The following RDX variants were observed in gnomAD, a reference collection of about 807,000 sequenced individuals.
RDX encodes the protein radixin.
In RDX, 32 loss-of-function variants were observed where a neutral mutation model predicts 83.7. The observed-to-expected ratio is 0.38, with a 90% CI of 0.29 to 0.51. The LOEUF (loss-of-function observed/expected upper bound fraction) is 0.51. Among genes scored for constraint, RDX ranks in the 20% least tolerant of loss-of-function variants. RDX has a pLI of 0.87. For synonymous variants in RDX, 229 were observed against 222.7 expected (o/e 1.03, Z -0.25); for missense variants, 600 against 689.9 (o/e 0.87, Z 1.46).
At chr11:110,272,704 T>C (rs1471153923) in intron 2 of RDX, 85 bp from the exon 3 acceptor site, 1 of 894,130 alleles carries the variant, frequency 1.1e-6, no homozygotes, top group African/African-American at 1.7e-5. Flanking sequence ...ATTAAAGTGA[T>C]AAAGTTTTAT....
intron 14 of RDX, among the ~76,000 whole-genome samples, chr11:110,224,318 A>G (rs549117183): frequency 3.3e-5 from 5 of 152,302 alleles, no homozygotes; most frequent in Admixed American, 2.0e-4. Flanking sequence ...CTGATAAACT[A>G]TTGTTATAAG....
At chr11:110,224,815 C>A (rs1229943692), downstream of RDX, among the ~76,000 whole-genome samples, 1 of 152,184 alleles carries the variant, frequency 6.6e-6, no homozygotes, top group African/African-American at 2.4e-5. Context: ...ATGGCCACGG[C>A]CTTTCTTAGG....
intron 1 of RDX, among the ~76,000 whole-genome samples, chr11:110,294,461 C>T (rs1861364227): frequency 6.6e-6 from 1 of 152,128 alleles, no homozygotes; most frequent in Non-Finnish European, 1.5e-5. Context: ...GACTCTAGCT[C>T]TTTAGAGGAT....
chr11:110,291,719 G>T (rs928158120), intron 1 of RDX, among the ~76,000 whole-genome samples: 1 of 152,118 alleles, frequency 6.6e-6, no homozygotes, highest in Non-Finnish European at 1.5e-5. Flanking sequence ...GATGGGTAAG[G>T]GCTGTCTTAG....
At chr11:110,261,394 G>GCTAAACTTTTCTACAGT (rs1859799285) in intron 5 of RDX, among the ~76,000 whole-genome samples, 1 of 152,152 alleles carries the variant, frequency 6.6e-6, no homozygotes, top group African/African-American at 2.4e-5. Context: ...TACCACAAGA[G>GCTAAACTTTTCTACAGT]CTAAACTTTT....
chr11:110,281,682 T>G (rs901474988), intron 1 of RDX, among the ~76,000 whole-genome samples: 1 of 151,182 alleles, frequency 6.6e-6, no homozygotes, highest in African/African-American at 2.4e-5. Context: ...TCCTAGCTTA[T>G]TCCCATCTAC....
intron 3 of RDX, among the ~76,000 whole-genome samples, chr11:110,271,466 G>C (rs1467980523): frequency 6.6e-6 from 1 of 152,102 alleles, no homozygotes; most frequent in Non-Finnish European, 1.5e-5. Flanking sequence ...CTCTGTCTTT[G>C]CAACAGTTTC....
chr11:110,251,647 A>G (rs573285260), intron 9 of RDX, among the ~76,000 whole-genome samples: 1 of 152,296 alleles, frequency 6.6e-6, no homozygotes, highest in South Asian at 2.1e-4. Flanking sequence ...ATGTAACTCT[A>G]AACTGTAAAC....
At chr11:110,188,916 C>T (rs938238250) in intron 15 of RDX, among the ~76,000 whole-genome samples, 3 of 152,104 alleles carry the variant, frequency 2.0e-5, no homozygotes, top group Non-Finnish European at 4.4e-5. Context: ...ACATGGCTCA[C>T]AGACCCTATA....
chr11:110,180,618 G>T (rs570622443), intron 15 of RDX, among the ~76,000 whole-genome samples: 1 of 151,028 alleles, frequency 6.6e-6, no homozygotes, highest in Non-Finnish European at 1.5e-5. Context: ...CCTTCTTGCA[G>T]TTTCCTCAGT....
chr11:110,275,545 G>GA (rs1302656310), intron 2 of RDX, among the ~76,000 whole-genome samples: 1 of 152,106 alleles, frequency 6.6e-6, no homozygotes, highest in Non-Finnish European at 1.5e-5. Flanking sequence ...TCTCATCTGC[G>GA]AATGTTCACG....
chr11:110,267,028 G>A lies in RDX; in HGVS notation c.97-2154C>T, dbSNP rs191288276. Among the ~76,000 whole-genome samples, 414 of 151,058 alleles carry A rather than the reference G, an allele frequency of 2.7e-3. 1 individual carries two copies. The highest frequency in any genetic ancestry group is 9.2e-3 in the African/African-American group (378 of 41,120). ...AGTGATCCTCCCACCTCAGCCTCCCGAGTAGCTCGGACCACAGGCATGCAC... is the reference window on the plus strand; with the variant it reads ...AGTGATCCTCCCACCTCAGCCTCCCAAGTAGCTCGGACCACAGGCATGCAC... On this transcript the variant is annotated intron_variant, in intron 3 of 13. Transcript: ENST00000645495.
At chr11:110,289,124 G>C (rs1019260822) in intron 1 of RDX, among the ~76,000 whole-genome samples, 2 of 151,220 alleles carry the variant, frequency 1.3e-5, no homozygotes, top group African/African-American at 2.4e-5. Context: ...TGTAATCCCA[G>C]CTACTTGAGA....
chr11:110,295,473 C>T (rs11213343), intron 1 of RDX, among the ~76,000 whole-genome samples: 2 of 151,848 alleles, frequency 1.3e-5, no homozygotes, highest in African/African-American at 4.8e-5. Flanking sequence ...AGCAACGTGT[C>T]TTCCACCAAA....
chr11:110,213,198 GACAA>G (rs1863905761), intron 14 of RDX, among the ~76,000 whole-genome samples: 2 of 151,422 alleles, frequency 1.3e-5, no homozygotes, highest in South Asian at 2.1e-4. Flanking sequence ...ACCAACAACA[GACAA>G]ACAGAGAGCC....
intron 15 of RDX, among the ~76,000 whole-genome samples, chr11:110,197,675 T>G (rs1863250546): frequency 6.6e-6 from 1 of 152,188 alleles, no homozygotes; most frequent in African/African-American, 2.4e-5. Context: ...TTGGGGAGTT[T>G]TACGAGTTGA....
At chr11:110,250,480 C>T (rs1466599862) in intron 9 of RDX, among the ~76,000 whole-genome samples, 1 of 152,140 alleles carries the variant, frequency 6.6e-6, no homozygotes, top group Admixed American at 6.6e-5. Context: ...ACACTGCAAA[C>T]CAGATCTCAA....
intron 7 of RDX, among the ~76,000 whole-genome samples, chr11:110,257,246 T>C (rs1227459708): frequency 6.6e-6 from 1 of 151,766 alleles, no homozygotes; most frequent in Non-Finnish European, 1.5e-5. Flanking sequence ...AAGATATAAT[T>C]ACAGTGTTCA....
intron 13 of RDX, 132 bp downstream of exon 13, chr11:110,233,105 C>A: frequency 1.8e-6 from 2 of 1,093,408 alleles, no homozygotes; most frequent in South Asian, 2.6e-5. Flanking sequence ...TGACTATAGG[C>A]CAAACACCCA....
Sources: gnomAD v4.1 joint callset for allele counts (sites outside exome capture counted in the v4.1 genomes callset) on GRCh38, gnomAD v4.1.1 for gene constraint, MANE v1.5 for transcripts, NCBI Gene and HGNC (gene_info 2026-07-23, HGNC 2026-07-21) for gene names.